The following MAGI1 variants were observed in gnomAD, a reference collection of about 807,000 sequenced individuals.
MAGI1 encodes the protein membrane-associated guanylate kinase, WW and PDZ domain-containing protein 1.
MAGI1 carries 58 observed loss-of-function variants against 139.9 expected under a neutral mutation model. The observed-to-expected ratio is 0.41, with a 90% CI of 0.34 to 0.52. MAGI1 has a LOEUF of 0.52. Among genes scored for constraint, MAGI1 ranks in the 20% least tolerant of loss-of-function variants. The pLI, the probability that MAGI1 is intolerant of heterozygous loss-of-function variation, is 0.12. For synonymous variants in MAGI1, 812 were observed against 737.9 expected (o/e 1.10, Z -1.63); for missense variants, 1,874 against 1,901.6 (o/e 0.99, Z 0.27).
intron 1 of MAGI1, among the ~76,000 whole-genome samples, chr3:65,969,355 G>C (rs980647247): frequency 6.6e-6 from 1 of 152,180 alleles, no homozygotes; most frequent in East Asian, 1.9e-4. Flanking sequence ...GTTAGGGGCT[G>C]GGGGGTGGCT....
chr3:65,990,226 C>T (rs901898493), intron 1 of MAGI1, among the ~76,000 whole-genome samples: 1 of 152,040 alleles, frequency 6.6e-6, no homozygotes, highest in Non-Finnish European at 1.5e-5. Context: ...GGATCATGAA[C>T]TCAAGTTCAG....
At chr3:65,448,881 C>T (rs143077939) in intron 6 of MAGI1, among the ~76,000 whole-genome samples, 50 of 152,170 alleles carry the variant, frequency 3.3e-4, no homozygotes, top group African/African-American at 1.2e-3. Context: ...CATGGGAGAA[C>T]ACACAAAAAT....
intron 5 of MAGI1, among the ~76,000 whole-genome samples, chr3:65,467,810 G>C (rs1051799602): frequency 1.3e-5 from 2 of 152,054 alleles, no homozygotes; most frequent in East Asian, 1.9e-4. Context: ...TTTTCTCAGC[G>C]TAATTCTTCT....
At chr3:65,781,757 C>A (rs72908286) in intron 1 of MAGI1, among the ~76,000 whole-genome samples, 1 of 152,168 alleles carries the variant, frequency 6.6e-6, no homozygotes, top group Non-Finnish European at 1.5e-5. Flanking sequence ...ACAGCTACCA[C>A]GGAAGAGATT....
intron 1 of MAGI1, among the ~76,000 whole-genome samples, chr3:65,639,544 G>A (rs1290003982): frequency 6.6e-6 from 1 of 152,148 alleles, no homozygotes. Flanking sequence ...CACGTATCTG[G>A]TCAAACAGAA....
intron 1 of MAGI1, among the ~76,000 whole-genome samples, chr3:65,973,101 G>C (rs2065086163): frequency 2.0e-5 from 3 of 151,952 alleles, no homozygotes; most frequent in African/African-American, 7.3e-5. Flanking sequence ...AGTGAGCTAT[G>C]ATCATGCCAC....
intron 1 of MAGI1, among the ~76,000 whole-genome samples, chr3:65,965,297 T>C (rs1468492024): frequency 6.6e-6 from 1 of 152,242 alleles, no homozygotes; most frequent in Non-Finnish European, 1.5e-5. Flanking sequence ...GGGTACCACT[T>C]CTACTATTCC....
At chr3:65,497,265 G>C (rs1055919863) in intron 2 of MAGI1, among the ~76,000 whole-genome samples, 4 of 152,070 alleles carry the variant, frequency 2.6e-5, no homozygotes, top group Non-Finnish European at 4.4e-5. Flanking sequence ...CAAGAAGTTT[G>C]GATTGAACAC....
At chr3:65,531,091 A>C (rs1438406225) in intron 2 of MAGI1, among the ~76,000 whole-genome samples, 1 of 151,952 alleles carries the variant, frequency 6.6e-6, no homozygotes, top group Admixed American at 6.6e-5. Context: ...GGTACTGCTT[A>C]CCATTAATTA....
At chr3:65,603,590 A>T (rs568889187) in intron 2 of MAGI1, among the ~76,000 whole-genome samples, 2 of 152,370 alleles carry the variant, frequency 1.3e-5, no homozygotes, top group South Asian at 4.1e-4. Flanking sequence ...TGTAGGTAAA[A>T]TCCCTAAGAA....
At chr3:65,743,717 A>G (rs889326924) in intron 1 of MAGI1, among the ~76,000 whole-genome samples, 2 of 152,116 alleles carry the variant, frequency 1.3e-5, no homozygotes, top group Non-Finnish European at 2.9e-5. Flanking sequence ...CTCAAAAAAA[A>G]AAAAAGTCTA....
At chr3:65,768,667 T>C (rs1244714827) in intron 1 of MAGI1, among the ~76,000 whole-genome samples, 2 of 152,228 alleles carry the variant, frequency 1.3e-5, no homozygotes, top group African/African-American at 2.4e-5. Context: ...CATCTATTAA[T>C]AAATGGCAAA....
At chr3:65,779,473 T>C (rs1316582485) in intron 1 of MAGI1, among the ~76,000 whole-genome samples, 2 of 152,244 alleles carry the variant, frequency 1.3e-5, no homozygotes. Flanking sequence ...CAGTTTTCTT[T>C]GCCTGTGTGT....
At chr3:65,482,411 T>C (rs1384507562) in intron 3 of MAGI1, among the ~76,000 whole-genome samples, 2 of 152,200 alleles carry the variant, frequency 1.3e-5, no homozygotes, top group East Asian at 3.8e-4. Context: ...AGAGATCATG[T>C]ATGCAAAGTG....
chr3:65,597,736 A>G (rs749114698), intron 2 of MAGI1: 2 of 456,580 alleles, frequency 4.4e-6, no homozygotes. Context: ...TTCCTCCGGC[A>G]GCGGAGCGTT....
At chr3:65,636,535 T>A (rs1444373402) in intron 1 of MAGI1, among the ~76,000 whole-genome samples, 3 of 152,184 alleles carry the variant, frequency 2.0e-5, no homozygotes, top group East Asian at 3.8e-4. Context: ...AGGTGATTTA[T>A]GTAAGACAAC....
chr3:65,627,664 T>G (rs936476758), intron 1 of MAGI1, among the ~76,000 whole-genome samples: 1 of 151,656 alleles, frequency 6.6e-6, no homozygotes, highest in Non-Finnish European at 1.5e-5. Context: ...ACCACCACCA[T>G]GCCCAGCTAA....
intron 1 of MAGI1, among the ~76,000 whole-genome samples, chr3:66,005,783 G>C (rs1394543496): frequency 6.6e-6 from 1 of 152,120 alleles, no homozygotes; most frequent in Non-Finnish European, 1.5e-5. Context: ...ATACCACAAA[G>C]AGATCTTCCA....
intron 1 of MAGI1, among the ~76,000 whole-genome samples, chr3:65,889,082 A>G (rs866214494): frequency 2.2e-4 from 34 of 152,238 alleles, no homozygotes; most frequent in African/African-American, 7.7e-4. Context: ...CAAAACCAAG[A>G]GACGCTAAAA....
Sources: allele counts gnomAD v4.1 joint callset (sites outside exome capture counted in the v4.1 genomes callset), GRCh38; gene constraint gnomAD v4.1.1; transcripts MANE v1.5; gene names NCBI Gene and HGNC (gene_info 2026-07-23, HGNC 2026-07-21).